The following KCNIP4 variants were observed in gnomAD, a reference collection of about 807,000 sequenced individuals.
The protein encoded by KCNIP4 is potassium voltage-gated channel interacting protein 4, also known as Kv channel-interacting protein 4.
A neutral mutation model predicts 34.0 loss-of-function variants in KCNIP4; 12 were observed. That is an observed-to-expected ratio of 0.35 (90% CI 0.23 to 0.57). The LOEUF (loss-of-function observed/expected upper bound fraction) is 0.57. KCNIP4 is among the 20% of genes least tolerant of loss of function. The pLI, the probability that KCNIP4 is intolerant of heterozygous loss-of-function variation, is 0.83. For synonymous variants in KCNIP4, 124 were observed against 102.2 expected, an observed-to-expected ratio of 1.21 and a Z score of -1.29; for missense variants, 238 against 311.7, an observed-to-expected ratio of 0.76 and a Z score of 1.78.
At chr4:21,269,915 A>G (rs1389891004) in intron 1 of KCNIP4, among the ~76,000 whole-genome samples, 1 of 152,144 alleles carries the variant, frequency 6.6e-6, no homozygotes, top group Admixed American at 6.5e-5. Context: ...TTTGGATGTG[A>G]GCTAAAAAGA....
At chr4:21,382,226 G>A (rs1319921323) in intron 1 of KCNIP4, among the ~76,000 whole-genome samples, 1 of 152,132 alleles carries the variant, frequency 6.6e-6, no homozygotes, top group East Asian at 1.9e-4. Context: ...AGTATGGCAG[G>A]CCATGAGCCC....
intron 1 of KCNIP4, among the ~76,000 whole-genome samples, chr4:21,141,783 A>T (rs1276477469): frequency 6.6e-6 from 1 of 152,128 alleles, no homozygotes; most frequent in Non-Finnish European, 1.5e-5. Context: ...TTTTTAGGGC[A>T]TTACAAAAGG....
At chr4:21,257,021 C>T (rs768074881) in intron 1 of KCNIP4, among the ~76,000 whole-genome samples, 3 of 152,212 alleles carry the variant, frequency 2.0e-5, no homozygotes, top group East Asian at 1.9e-4. Flanking sequence ...ATGCCACAAT[C>T]GCTAGAACAG....
At chr4:20,847,744 C>G (rs1351656560) in intron 3 of KCNIP4, among the ~76,000 whole-genome samples, 1 of 152,140 alleles carries the variant, frequency 6.6e-6, no homozygotes, top group Non-Finnish European at 1.5e-5. Flanking sequence ...TTATGCTGGT[C>G]ATATTTACTT....
intron 4 of KCNIP4, among the ~76,000 whole-genome samples, chr4:20,755,696 A>G (rs1036457709): frequency 6.6e-6 from 1 of 152,200 alleles, no homozygotes; most frequent in African/African-American, 2.4e-5. Context: ...GTTGCAATTT[A>G]AGATAGAGTG....
chr4:21,432,937 T>G (rs2109673684), intron 1 of KCNIP4, among the ~76,000 whole-genome samples: 1 of 152,202 alleles, frequency 6.6e-6, no homozygotes, highest in South Asian at 2.1e-4. Flanking sequence ...CCAGCCTAAG[T>G]TTCATTTCTG....
intron 1 of KCNIP4, among the ~76,000 whole-genome samples, chr4:21,327,864 A>G (rs1003801589): frequency 1.3e-5 from 2 of 151,940 alleles, no homozygotes; most frequent in Admixed American, 1.3e-4. Context: ...TAGTATGTCA[A>G]TTGCATTTTT....
intron 1 of KCNIP4, among the ~76,000 whole-genome samples, chr4:21,448,676 A>ACTTATGCT (rs1439775788): frequency 6.6e-6 from 1 of 152,118 alleles, no homozygotes; most frequent in Non-Finnish European, 1.5e-5. Flanking sequence ...GTATCAGAAA[A>ACTTATGCT]CTGTGCTCTG....
rs190955304 is a variant in KCNIP4 at position 21,030,479 on chromosome 4, A to C, written c.62-147770T>G. On this transcript the variant is annotated intron_variant, in intron 1 of 8. Coordinates refer to ENST00000382152, the MANE Select transcript of KCNIP4 (RefSeq NM_025221.6). ...AAATGTAATGTGCTTGAATCATCCC[A>C]AAACCATCCGCTGCTCCCCACGTCC... Among the ~76,000 whole-genome samples the C allele has an allele frequency of 3.1e-3, 475 of 152,220 alleles. 2 individuals carry two copies. Among genetic ancestry groups the C allele is most frequent in the African/African-American group, 0.011 (450 of 41,540 alleles).
At chr4:21,193,596 C>T (rs1397393988) in intron 1 of KCNIP4, among the ~76,000 whole-genome samples, 2 of 54,582 alleles carry the variant, frequency 3.7e-5, no homozygotes, top group African/African-American at 1.5e-4. Flanking sequence ...TTTTTTGAGA[C>T]GGAGTCTCAC....
At chr4:21,224,342 C>T (rs2109006296) in intron 1 of KCNIP4, among the ~76,000 whole-genome samples, 1 of 152,028 alleles carries the variant, frequency 6.6e-6, no homozygotes, top group East Asian at 2.0e-4. Flanking sequence ...GAGAGCAATC[C>T]TGTGTTTCTT....
chr4:20,773,727 C>T (rs577463410), intron 3 of KCNIP4, among the ~76,000 whole-genome samples: 9 of 152,248 alleles, frequency 5.9e-5, no homozygotes, highest in Admixed American at 3.3e-4. Flanking sequence ...TTTTTATGAA[C>T]GGTGACAGCC....
chr4:21,202,633 A>G (rs1243068818), intron 1 of KCNIP4, among the ~76,000 whole-genome samples: 1 of 152,218 alleles, frequency 6.6e-6, no homozygotes, highest in African/African-American at 2.4e-5. Context: ...AGCAATGTGG[A>G]CAAGGCCCCA....
At chr4:21,476,226 C>A (rs6448052) in intron 1 of KCNIP4, among the ~76,000 whole-genome samples, 82,957 of 136,790 alleles carry the variant, frequency 0.61, 23,064 homozygotes, top group African/African-American at 0.67. Flanking sequence ...CTATACTTAC[C>A]TGTCTATCTA....
chr4:21,853,877 G>A (rs1724579471), intron 1 of KCNIP4, among the ~76,000 whole-genome samples: 1 of 152,196 alleles, frequency 6.6e-6, no homozygotes, highest in Non-Finnish European at 1.5e-5. Flanking sequence ...CAAATAAAGA[G>A]TTTGGGGTCA....
chr4:21,460,723 C>A (rs779394865), intron 1 of KCNIP4, among the ~76,000 whole-genome samples: 1 of 152,070 alleles, frequency 6.6e-6, no homozygotes, highest in Non-Finnish European at 1.5e-5. Flanking sequence ...CATTCCATTG[C>A]AAATTAGGGC....
intron 1 of KCNIP4, among the ~76,000 whole-genome samples, chr4:21,009,757 C>G (rs1738906218): frequency 6.6e-6 from 1 of 152,224 alleles, no homozygotes; most frequent in South Asian, 2.1e-4. Flanking sequence ...TTCTCTGCTG[C>G]TGGAATGGGC....
intron 1 of KCNIP4, among the ~76,000 whole-genome samples, chr4:21,874,146 C>G (rs1320528909): frequency 1.3e-5 from 2 of 152,170 alleles, no homozygotes; most frequent in Non-Finnish European, 1.5e-5. Flanking sequence ...AATTGTTAGA[C>G]CAGAATGGTT....
chr4:21,144,806 T>C (rs1425932386), intron 1 of KCNIP4, among the ~76,000 whole-genome samples: 1 of 152,182 alleles, frequency 6.6e-6, no homozygotes, highest in African/African-American at 2.4e-5. Context: ...CCATTGGTTA[T>C]CAAATGCCTT....
Sources: allele counts gnomAD v4.1 joint callset (sites outside exome capture counted in the v4.1 genomes callset), GRCh38; gene constraint gnomAD v4.1.1; transcripts MANE v1.5; gene names NCBI Gene and HGNC (gene_info 2026-07-23, HGNC 2026-07-21).